Variants in MDGA2 observed in about 807,000 individuals in gnomAD.
MDGA2 encodes the protein MAM domain-containing glycosylphosphatidylinositol anchor protein 2.
A neutral mutation model predicts 117.8 loss-of-function variants in MDGA2; 40 were observed. The ratio of observed to expected loss-of-function variants is 0.34; its 90% CI spans 0.26 to 0.44. The LOEUF (loss-of-function observed/expected upper bound fraction) is 0.44, where lower values mean the gene tolerates loss of function less well. Among genes scored for constraint, MDGA2 ranks in the 20% least tolerant of loss-of-function variants. The pLI is 1.00. For missense variants in MDGA2, 1,123 were observed against 1,250.6 expected (o/e 0.90, Z 1.54); for synonymous variants, 452 against 439.0 (o/e 1.03, Z -0.37).
At chr14:47,150,018 T>C (rs1165291745) in intron 3 of MDGA2, among the ~76,000 whole-genome samples, 1 of 152,158 alleles carries the variant, frequency 6.6e-6, no homozygotes. Flanking sequence ...ATTGACCCTA[T>C]ATGGATCTGG....
At chr14:47,171,490 C>A (rs1251596246) in intron 3 of MDGA2, among the ~76,000 whole-genome samples, 1 of 152,116 alleles carries the variant, frequency 6.6e-6, no homozygotes, top group Non-Finnish European at 1.5e-5. Flanking sequence ...AACTACTTTT[C>A]TAGGATTCTT....
At chr14:47,493,637 T>G (rs1173371904) in intron 1 of MDGA2, among the ~76,000 whole-genome samples, 1 of 152,076 alleles carries the variant, frequency 6.6e-6, no homozygotes, top group Non-Finnish European at 1.5e-5. Context: ...TAAAATAGTT[T>G]TTAAGTATCT....
chr14:47,142,883 G>A (rs995393262), intron 4 of MDGA2, among the ~76,000 whole-genome samples: 1 of 152,046 alleles, frequency 6.6e-6, no homozygotes, highest in Non-Finnish European at 1.5e-5. Context: ...TTATATTTTG[G>A]TAAGTTAAAA....
chr14:47,289,025 C>T (rs1164197945), intron 2 of MDGA2, among the ~76,000 whole-genome samples: 1 of 152,012 alleles, frequency 6.6e-6, no homozygotes, highest in Non-Finnish European at 1.5e-5. Flanking sequence ...TATTCCTTAG[C>T]ATAGAAGCAG....
chr14:47,048,269 G>A (rs1040401271), intron 7 of MDGA2, among the ~76,000 whole-genome samples: 1 of 151,840 alleles, frequency 6.6e-6, no homozygotes, highest in African/African-American at 2.4e-5. Flanking sequence ...ATTGCTTTCT[G>A]GTGGATAAAG....
intron 2 of MDGA2, among the ~76,000 whole-genome samples, chr14:47,221,532 CA>C (rs2139526060): frequency 6.6e-6 from 1 of 151,832 alleles, no homozygotes; most frequent in East Asian, 2.0e-4. Flanking sequence ...ACTAAAAATA[CA>C]AAAAATTAGC....
At chr14:47,627,761 C>G (rs544691779) in intron 1 of MDGA2, among the ~76,000 whole-genome samples, 31 of 152,260 alleles carry the variant, frequency 2.0e-4, no homozygotes, top group Non-Finnish European at 1.3e-4. Flanking sequence ...AAGCTTTGTT[C>G]TTTTGTTCTT....
At chr14:47,317,876 C>G (rs1396758517) in intron 1 of MDGA2, among the ~76,000 whole-genome samples, 1 of 152,048 alleles carries the variant, frequency 6.6e-6, no homozygotes. Flanking sequence ...TTGACAGTTT[C>G]TCTTGATGTC....
intron 10 of MDGA2, among the ~76,000 whole-genome samples, chr14:46,918,694 A>T (rs1236010027): frequency 6.6e-6 from 1 of 151,386 alleles, no homozygotes; most frequent in South Asian, 2.1e-4. Flanking sequence ...TTTCACTAGG[A>T]AAAGCTCTTT....
At chr14:47,408,036 C>A (rs1892294327) in intron 1 of MDGA2, among the ~76,000 whole-genome samples, 1 of 147,774 alleles carries the variant, frequency 6.8e-6, no homozygotes, top group African/African-American at 2.5e-5. Flanking sequence ...TGTTGTGAGC[C>A]TTAAAATAGG....
chr14:47,600,302 C>T (rs887404812), intron 1 of MDGA2, among the ~76,000 whole-genome samples: 2 of 151,556 alleles, frequency 1.3e-5, no homozygotes, highest in Admixed American at 6.6e-5. Context: ...CAGGTGGTGG[C>T]GTCCACCTGC....
rs561161673 is a variant in MDGA2 at position 47,045,518 on chromosome 14, C to T, written c.1526-10214G>A. Among the ~76,000 whole-genome samples, 7 of 151,232 alleles carry T rather than the reference C, an allele frequency of 4.6e-5. No homozygotes were observed. In the East Asian group the frequency reaches 1.4e-3, roughly 29 times the overall value. ...TATATAAAGTCTCACATGTGGAAAA[C>T]TTTTTTTTTCTGAAACAACTAAGTA... On this transcript the variant is annotated intron_variant, in intron 7 of 16. Coordinates refer to ENST00000399232, the MANE Select transcript of MDGA2 (RefSeq NM_001113498.3).
At chr14:47,353,006 G>A (rs192463745) in intron 1 of MDGA2, among the ~76,000 whole-genome samples, 1 of 152,184 alleles carries the variant, frequency 6.6e-6, no homozygotes, top group African/African-American at 2.4e-5. Context: ...CCCTGAAAGA[G>A]AGGATTCAGG....
At chr14:47,210,270 A>C (rs1885834000) in intron 3 of MDGA2, among the ~76,000 whole-genome samples, 1 of 152,200 alleles carries the variant, frequency 6.6e-6, no homozygotes, top group Admixed American at 6.5e-5. Flanking sequence ...AGAAATAAGA[A>C]TGCTTACAAC....
At chr14:47,140,953 CA>C (rs911441710) in intron 4 of MDGA2, among the ~76,000 whole-genome samples, 4 of 149,384 alleles carry the variant, frequency 2.7e-5, no homozygotes, top group Non-Finnish European at 4.5e-5. Flanking sequence ...AACTCAATAG[CA>C]AAAAAAAATC....
chr14:47,262,591 G>A (rs1234691082), intron 2 of MDGA2, among the ~76,000 whole-genome samples: 1 of 152,068 alleles, frequency 6.6e-6, no homozygotes, highest in East Asian at 1.9e-4. Context: ...AATTTGCTTG[G>A]GCAACACCAT....
At chr14:46,873,164 C>T (rs1882083321) in intron 14 of MDGA2, among the ~76,000 whole-genome samples, 1 of 151,908 alleles carries the variant, frequency 6.6e-6, no homozygotes. Context: ...TTCCATGAGA[C>T]CTGGTAAAGA....
intron 1 of MDGA2, among the ~76,000 whole-genome samples, chr14:47,608,133 T>A (rs1357424861): frequency 6.6e-6 from 1 of 152,156 alleles, no homozygotes; most frequent in Non-Finnish European, 1.5e-5. Flanking sequence ...TTAATCTCCA[T>A]TGAGTAATAC....
intron 5 of MDGA2, among the ~76,000 whole-genome samples, chr14:47,104,106 T>G (rs556902627): frequency 3.4e-4 from 52 of 152,184 alleles, no homozygotes; most frequent in Non-Finnish European, 6.5e-4. Flanking sequence ...ATTTATGTCA[T>G]TAGAGCACGG....
Sources: allele counts gnomAD v4.1 joint callset (sites outside exome capture counted in the v4.1 genomes callset), GRCh38; gene constraint gnomAD v4.1.1; transcripts MANE v1.5; gene names NCBI Gene and HGNC (gene_info 2026-07-23, HGNC 2026-07-21).